Variants in KHDRBS2 observed in about 807,000 individuals in gnomAD.
KHDRBS2 encodes the protein KH RNA binding domain containing, signal transduction associated 2.
A neutral mutation model predicts 44.3 loss-of-function variants in KHDRBS2; 26 were observed. The observed-to-expected ratio is 0.59, with a 90% CI of 0.43 to 0.81. The LOEUF is 0.81. Among genes scored for constraint, KHDRBS2 ranks in the 40% least tolerant of loss-of-function variants. The pLI is 0.00. For missense variants in KHDRBS2, 476 were observed against 433.1 expected, an observed-to-expected ratio of 1.10 and a Z score of -0.88; for synonymous variants, 194 against 151.1, an observed-to-expected ratio of 1.28 and a Z score of -2.08.
At chr6:61,713,528 C>T (rs776553465) in intron 7 of KHDRBS2, among the ~76,000 whole-genome samples, 5 of 150,210 alleles carry the variant, frequency 3.3e-5, no homozygotes, top group Non-Finnish European at 7.4e-5. Flanking sequence ...AAATATCTTC[C>T]TTATCTATAT....
intron 2 of KHDRBS2, among the ~76,000 whole-genome samples, chr6:62,125,586 T>C (rs1393525902): frequency 1.3e-5 from 2 of 152,170 alleles, no homozygotes; most frequent in Non-Finnish European, 2.9e-5. Flanking sequence ...AAACTCCTTC[T>C]TTCCACTTGA....
At chr6:61,851,980 G>C in intron 6 of KHDRBS2, among the ~76,000 whole-genome samples, 1 of 152,186 alleles carries the variant, frequency 6.6e-6, no homozygotes, top group East Asian at 1.9e-4. Context: ...CCAGCACTTT[G>C]GGAGGCCGAG....
intron 2 of KHDRBS2, among the ~76,000 whole-genome samples, chr6:62,070,031 T>G (rs774957750): frequency 2.6e-5 from 4 of 151,678 alleles, no homozygotes; most frequent in Admixed American, 1.3e-4. Context: ...GGTGTTAATT[T>G]TTGTCAGACA....
intron 1 of KHDRBS2, among the ~76,000 whole-genome samples, chr6:62,193,290 A>G (rs753207270): frequency 6.6e-6 from 1 of 152,054 alleles, no homozygotes; most frequent in Non-Finnish European, 1.5e-5. Context: ...TGTTTTAGGT[A>G]TATAGGCCAC....
At chr6:61,619,163 A>G in the KHDRBS2 span, among the ~76,000 whole-genome samples, 5 of 152,124 alleles carry the variant, frequency 3.3e-5, no homozygotes, top group Non-Finnish European at 5.9e-5. Flanking sequence ...GGTTTTTGTT[A>G]TATGGATGAA....
At chr6:62,098,076 C>G (rs1801021574) in intron 2 of KHDRBS2, among the ~76,000 whole-genome samples, 1 of 152,062 alleles carries the variant, frequency 6.6e-6, no homozygotes. Flanking sequence ...AACTTTACAT[C>G]TTTTCAAATT....
chr6:62,071,580 C>T (rs964042270), intron 2 of KHDRBS2, among the ~76,000 whole-genome samples: 3 of 152,132 alleles, frequency 2.0e-5, no homozygotes, highest in African/African-American at 7.2e-5. Context: ...ATTCCCAGCA[C>T]CATTTATTAA....
intron 4 of KHDRBS2, among the ~76,000 whole-genome samples, chr6:61,941,900 GCAAAAGATCCTAATGAAAAAGAAATT>G (rs1812209273): frequency 6.6e-6 from 1 of 152,018 alleles, no homozygotes; most frequent in Non-Finnish European, 1.5e-5. Context: ...TAATACTCCA[GCAAAAGATCCTAATGAAAAAGAAATT>G]CAAAACATTC....
intron 2 of KHDRBS2, among the ~76,000 whole-genome samples, chr6:62,169,059 A>ATATATATATATG (rs1338584117): frequency 1.0e-4 from 14 of 139,618 alleles, no homozygotes; most frequent in South Asian, 2.3e-4. Context: ...ATATATATAT[A>ATATATATATATG]TATGTATACA....
At chr6:61,703,357 G>T (rs1768987234) in intron 7 of KHDRBS2, among the ~76,000 whole-genome samples, 1 of 151,634 alleles carries the variant, frequency 6.6e-6, no homozygotes, top group Non-Finnish European at 1.5e-5. Flanking sequence ...TGGTGAAATG[G>T]TTACTATAAT....
chr6:62,195,258 T>C (rs1217083435), intron 1 of KHDRBS2, among the ~76,000 whole-genome samples: 1 of 152,216 alleles, frequency 6.6e-6, no homozygotes, highest in Non-Finnish European at 1.5e-5. Context: ...TTTATTTTTG[T>C]ATGCGTTTGC....
chr6:61,803,886 A>C (rs1786697747), intron 6 of KHDRBS2, among the ~76,000 whole-genome samples: 1 of 151,794 alleles, frequency 6.6e-6, no homozygotes, highest in African/African-American at 2.4e-5. Context: ...TGATCTAATC[A>C]CCTCCCATGA....
At chr6:61,962,418 T>C (rs1479136635) in intron 4 of KHDRBS2, among the ~76,000 whole-genome samples, 1 of 152,072 alleles carries the variant, frequency 6.6e-6, no homozygotes, top group Non-Finnish European at 1.5e-5. Flanking sequence ...CTGTGCTCCA[T>C]TTCAGTAGTT....
At chr6:61,775,643 G>C (rs892741561) in intron 6 of KHDRBS2, among the ~76,000 whole-genome samples, 1 of 152,106 alleles carries the variant, frequency 6.6e-6, no homozygotes, top group African/African-American at 2.4e-5. Context: ...AAATAAAAGA[G>C]GATACAAACA....
At chr6:61,807,461 C>T (rs1400002265) in intron 6 of KHDRBS2, among the ~76,000 whole-genome samples, 1 of 152,072 alleles carries the variant, frequency 6.6e-6, no homozygotes, top group African/African-American at 2.4e-5. Flanking sequence ...AAATGTGGTA[C>T]ATATACATCA....
intron 1 of KHDRBS2, among the ~76,000 whole-genome samples, chr6:62,195,753 G>C (rs1742950580): frequency 6.6e-6 from 1 of 152,076 alleles, no homozygotes. Context: ...GCTAAAAAAA[G>C]TCAGTGAATT....
At chr6:61,589,068 G>A in the KHDRBS2 span, among the ~76,000 whole-genome samples, 3 of 151,944 alleles carry the variant, frequency 2.0e-5, no homozygotes, top group South Asian at 2.1e-4. Flanking sequence ...GGCCTGTCAG[G>A]GGGTGGGGGT....
intron 6 of KHDRBS2, among the ~76,000 whole-genome samples, chr6:61,750,682 G>GT (rs1777540353): frequency 6.8e-6 from 1 of 147,010 alleles, no homozygotes; most frequent in Non-Finnish European, 1.5e-5. Flanking sequence ...AACTTTCTTT[G>GT]TTTCCCTTTT....
chr6:61,911,030 T>C (rs1175802861), intron 4 of KHDRBS2, among the ~76,000 whole-genome samples: 1 of 152,178 alleles, frequency 6.6e-6, no homozygotes, highest in Non-Finnish European at 1.5e-5. Context: ...AATTGATAGT[T>C]CTCAGTATGA....
Sources: gnomAD v4.1 joint callset for allele counts (sites outside exome capture counted in the v4.1 genomes callset) on GRCh38, gnomAD v4.1.1 for gene constraint, MANE v1.5 for transcripts, NCBI Gene and HGNC (gene_info 2026-07-23, HGNC 2026-07-21) for gene names.